The following CELF2 variants were observed in gnomAD, a reference collection of about 807,000 sequenced individuals.
CELF2 encodes the protein CUG triplet repeat RNA-binding protein 2.
In CELF2, 8 loss-of-function variants were observed where a neutral mutation model predicts 62.6. That is an observed-to-expected ratio of 0.13 (90% CI 0.07 to 0.23). The LOEUF (loss-of-function observed/expected upper bound fraction) is 0.23, where lower values mean the gene tolerates loss of function less well. Ranked by LOEUF, CELF2 falls within the 10% of genes least tolerant of loss-of-function variation. The pLI, the probability that CELF2 is intolerant of heterozygous loss-of-function variation, is 1.00. For synonymous variants in CELF2, 258 were observed against 250.0 expected (o/e 1.03, Z -0.30); for missense variants, 333 against 671.0 (o/e 0.50, Z 5.56).
chr10:10,487,254 G>A, the CELF2 span, among the ~76,000 whole-genome samples: 1 of 152,124 alleles, frequency 6.6e-6, no homozygotes, highest in Non-Finnish European at 1.5e-5. Flanking sequence ...TTTACTTATA[G>A]CACAGTTGTA....
intron 1 of CELF2, among the ~76,000 whole-genome samples, chr10:10,806,170 G>A (rs1271983060): frequency 1.3e-5 from 2 of 151,272 alleles, no homozygotes; most frequent in East Asian, 1.9e-4. Context: ...ATTTCCTGGA[G>A]CAGAGCATGG....
intron 1 of CELF2, among the ~76,000 whole-genome samples, chr10:11,043,804 C>G (rs376420253): frequency 6.6e-6 from 1 of 152,216 alleles, no homozygotes; most frequent in Non-Finnish European, 1.5e-5. Context: ...ACCATCATCT[C>G]TCACCTGGAC....
Position 11,227,896 on chromosome 10 carries a change from C to G in CELF2, c.354+10389C>G, listed in dbSNP as rs1043629440. On this transcript the variant is annotated intron_variant, in intron 3 of 12. Transcript: ENST00000633077. The surrounding 1 kb of genome is among the most constrained non-coding windows in gnomAD (Gnocchi z 4.8). ...TGTGGGTCGCTGGGTGTATTTTAAT[C>G]TGTGACATTCCACACTTTGTGTACT... Among the ~76,000 whole-genome samples, 3 of 152,158 alleles carry G rather than the reference C, an allele frequency of 2.0e-5. No individual in the cohort carries two copies. The highest frequency in any genetic ancestry group is 2.9e-5 in the Non-Finnish European group (2 of 68,024).
chr10:11,251,320 T>G (rs1484146225), intron 4 of CELF2, among the ~76,000 whole-genome samples: 3 of 141,076 alleles, frequency 2.1e-5, no homozygotes, highest in Non-Finnish European at 4.5e-5. Flanking sequence ...GTGCAGGTAT[T>G]CATTTGCCTC....
rs181475786 is a variant in CELF2, at chr10:11,085,721, T to A, written c.74+67558T>A. Among the ~76,000 whole-genome samples, 814 of 152,068 alleles carry A rather than the reference T, an allele frequency of 5.4e-3. 8 individuals carry two copies. Among genetic ancestry groups the A allele is most frequent in the African/African-American group, 0.019 (771 of 41,472 alleles). On this transcript the variant is annotated intron_variant, in intron 1 of 12. Transcript: ENST00000633077. ...CAAGATGGGATCCAGTTATTGGGAG[T>A]TTTTTGTCCCCACCTCCCCATCTGC...
chr10:10,561,371 C>T, the CELF2 span, among the ~76,000 whole-genome samples: 1 of 152,180 alleles, frequency 6.6e-6, no homozygotes, highest in Non-Finnish European at 1.5e-5. Flanking sequence ...TTGGAAAGTA[C>T]ATAGTCATGC....
At chr10:10,518,821 A>C in the CELF2 span, among the ~76,000 whole-genome samples, 5 of 152,194 alleles carry the variant, frequency 3.3e-5, no homozygotes, top group African/African-American at 1.2e-4. Context: ...AGAGGAGGAC[A>C]AGTTGGCTGA....
intron 1 of CELF2, among the ~76,000 whole-genome samples, chr10:10,820,937 G>C (rs2056908417): frequency 1.3e-5 from 2 of 152,174 alleles, no homozygotes; most frequent in Non-Finnish European, 2.9e-5. Flanking sequence ...GAGCATTCTG[G>C]GGGTTATTGT....
chr10:10,909,393 G>C, intron 1 of CELF2, among the ~76,000 whole-genome samples: 1 of 152,116 alleles, frequency 6.6e-6, no homozygotes, highest in Non-Finnish European at 1.5e-5. Context: ...GAAGTCCAGG[G>C]GCTAGGGTAT....
chr10:10,793,736 T>C (rs184951124), upstream of CELF2, among the ~76,000 whole-genome samples: 55 of 152,346 alleles, frequency 3.6e-4, no homozygotes, highest in African/African-American at 1.3e-3. Context: ...GGCCTTTTTA[T>C]GTTTGGCTTT....
chr10:11,069,009 G>T (rs2068945885), intron 1 of CELF2, among the ~76,000 whole-genome samples: 1 of 152,118 alleles, frequency 6.6e-6, no homozygotes, highest in African/African-American at 2.4e-5. Flanking sequence ...ATCATCTGAG[G>T]AATTTGTTCA....
intron 1 of CELF2, among the ~76,000 whole-genome samples, chr10:11,052,446 T>C (rs2064135681): frequency 6.6e-6 from 1 of 152,190 alleles, no homozygotes. Context: ...CTGTAGGTTG[T>C]TTGGGCTCAG....
chr10:11,158,694 CT>C (rs1176355830), intron 1 of CELF2, among the ~76,000 whole-genome samples: 1 of 152,076 alleles, frequency 6.6e-6, no homozygotes, highest in Admixed American at 6.5e-5. Context: ...TAAGGTTTCC[CT>C]TTTCCAAATG....
chr10:11,300,351 G>A lies in CELF2; in HGVS notation c.976+11799G>A, dbSNP rs1207165540. ...TTCCCAGTCTTCCTGAGAACCAGTA[G>A]TGATGACTCTTGCCCAGCACTGCAC... On this transcript the variant is annotated intron_variant, in intron 9 of 12. Transcript: ENST00000633077. The surrounding 1 kb of genome is among the most constrained non-coding windows in gnomAD (Gnocchi z 5.5). 6.6e-6 allele frequency among the ~76,000 whole-genome samples: 1 copy of A among 152,176 alleles called. No individual in the cohort carries two copies. Among genetic ancestry groups the A allele is most frequent in the East Asian group, 1.9e-4 (1 of 5,202 alleles).
chr10:10,542,000 T>TAA, the CELF2 span, among the ~76,000 whole-genome samples: 1 of 152,204 alleles, frequency 6.6e-6, no homozygotes. Context: ...CATTTGTCAG[T>TAA]AAATGCCAAG....
intron 1 of CELF2, among the ~76,000 whole-genome samples, chr10:10,858,548 T>C (rs2059881794): frequency 6.6e-6 from 1 of 152,172 alleles, no homozygotes; most frequent in Non-Finnish European, 1.5e-5. Flanking sequence ...ACACGCTATA[T>C]TCTTGTTTTA....
intron 2 of CELF2, among the ~76,000 whole-genome samples, chr10:11,209,032 A>G (rs2061133489): frequency 6.6e-6 from 1 of 152,316 alleles, no homozygotes; most frequent in African/African-American, 2.4e-5. Flanking sequence ...GCAGTACAAC[A>G]CAGATATGTC....
At chr10:11,067,999 T>A (rs1465761289) in intron 1 of CELF2, among the ~76,000 whole-genome samples, 1 of 152,172 alleles carries the variant, frequency 6.6e-6, no homozygotes, top group East Asian at 1.9e-4. Flanking sequence ...GGGGGGAGGA[T>A]GAAAATATGT....
upstream of CELF2, among the ~76,000 whole-genome samples, chr10:11,013,836 C>G (rs573625363): frequency 8.6e-4 from 131 of 152,208 alleles, no homozygotes; most frequent in African/African-American, 3.0e-3. This position sits in a 1 kb window ranked among gnomAD's most constrained non-coding sequence, Gnocchi z 4.1. Context: ...ATTACGGAAC[C>G]AAGAAGAGAT....
Sources: allele counts gnomAD v4.1 joint callset (sites outside exome capture counted in the v4.1 genomes callset), GRCh38; gene constraint gnomAD v4.1.1; non-coding constraint Gnocchi (gnomAD v3.1); transcripts MANE v1.5; gene names NCBI Gene and HGNC (gene_info 2026-07-23, HGNC 2026-07-21).